SVIL: variants seen among roughly 807,000 people sequenced by gnomAD.
SVIL encodes archvillin.
SVIL carries 101 observed loss-of-function variants against 240.4 expected under a neutral mutation model. The ratio of observed to expected loss-of-function variants is 0.42; its 90% CI spans 0.36 to 0.50. The LOEUF is 0.50. Among genes scored for constraint, SVIL ranks in the 20% least tolerant of loss-of-function variants. The pLI, the probability that SVIL is intolerant of heterozygous loss-of-function variation, is 0.01. For missense variants in SVIL, 2,512 were observed against 2,818.7 expected (o/e 0.89, Z 2.46); for synonymous variants, 999 against 1,100.0 (o/e 0.91, Z 1.82).
intron 32 of SVIL, among the ~76,000 whole-genome samples, chr10:29,470,072 G>A (rs1945380168): frequency 6.6e-6 from 1 of 152,150 alleles, no homozygotes; most frequent in South Asian, 2.1e-4. Context: ...TCCTCAGAGC[G>A]GCCCCCAAGT....
At chr10:29,639,781 T>C (rs1246705979), upstream of SVIL, among the ~76,000 whole-genome samples, 1 of 152,170 alleles carries the variant, frequency 6.6e-6, no homozygotes, top group African/African-American at 2.4e-5. Flanking sequence ...TCTTTATTCT[T>C]GAAAATAAAT....
chr10:29,668,886 C>T (rs1022402370), intron 2 of SVIL, among the ~76,000 whole-genome samples: 1 of 152,190 alleles, frequency 6.6e-6, no homozygotes, highest in Non-Finnish European at 1.5e-5. Context: ...TCAGCCTACA[C>T]ACCCAGACCA....
At chr10:29,542,671 C>A (rs576981242) in intron 6 of SVIL, among the ~76,000 whole-genome samples, 1 of 152,268 alleles carries the variant, frequency 6.6e-6, no homozygotes, top group East Asian at 1.9e-4. Context: ...CTTTGTGTCA[C>A]AAACAATTGA....
At chr10:29,679,399 T>C (rs1960451565) in intron 2 of SVIL, among the ~76,000 whole-genome samples, 1 of 152,144 alleles carries the variant, frequency 6.6e-6, no homozygotes, top group Non-Finnish European at 1.5e-5. Flanking sequence ...TAGTGACAAC[T>C]CCTTTCCACA....
At chr10:29,531,974 T>A (rs1433739118) in intron 9 of SVIL, 28 bp downstream of exon 9, 1 of 1,611,238 alleles carries the variant, frequency 6.2e-7, no homozygotes, top group African/African-American at 1.3e-5. Flanking sequence ...CGTTCCTGGA[T>A]GAGGAAACTG....
chr10:29,565,997 G>C (rs6481616), intron 2 of SVIL, among the ~76,000 whole-genome samples: 83,053 of 152,006 alleles, frequency 0.55, 23,233 homozygotes, highest in African/African-American at 0.68. Context: ...TACAATTCAC[G>C]CTGAAGTATT....
chr10:29,543,206 A>T (rs1326128902), intron 6 of SVIL, among the ~76,000 whole-genome samples: 1 of 152,226 alleles, frequency 6.6e-6, no homozygotes, highest in African/African-American at 2.4e-5. Context: ...TCGGGCATAC[A>T]TGGGTTAAGA....
intron 17 of SVIL, 131 bp downstream of exon 17, chr10:29,512,604 G>C: frequency 6.7e-7 from 1 of 1,490,084 alleles, no homozygotes; most frequent in Non-Finnish European, 9.2e-7. Context: ...CAGACTCTCA[G>C]TGTGTACCCT....
chr10:29,562,969 A>T (rs2132695166), intron 3 of SVIL, among the ~76,000 whole-genome samples: 1 of 152,198 alleles, frequency 6.6e-6, no homozygotes, highest in Admixed American at 6.5e-5. Flanking sequence ...TCTGGCGAAA[A>T]CCTGAGGATG....
chr10:29,712,505 T>C (rs1963361739), intron 1 of SVIL, among the ~76,000 whole-genome samples: 2 of 152,204 alleles, frequency 1.3e-5, no homozygotes, highest in African/African-American at 2.4e-5. Context: ...TTTCAGTATA[T>C]GTGGAAGCAG....
At chr10:29,572,744 A>G (rs1347680243) in intron 1 of SVIL, among the ~76,000 whole-genome samples, 4 of 146,238 alleles carry the variant, frequency 2.7e-5, no homozygotes, top group Admixed American at 2.1e-4. Flanking sequence ...TGCCTAGGCA[A>G]CAGAGTGAGA....
At chr10:29,689,433 C>T (rs1474359181) in intron 1 of SVIL, among the ~76,000 whole-genome samples, 2 of 152,190 alleles carry the variant, frequency 1.3e-5, no homozygotes, top group Admixed American at 6.5e-5. Context: ...TACAGGCACA[C>T]ACCAACACAT....
chr10:29,523,910 G>T lies in SVIL; in HGVS notation c.2704C>A (p.His902Asn), dbSNP rs765560567. 1 of 1,614,156 alleles carries T rather than the reference G, an allele frequency of 6.2e-7. No homozygotes were observed. The highest frequency in any genetic ancestry group is 8.5e-7 in the Non-Finnish European group (1 of 1,180,030). The change falls in exon 15 of 38, where the codon CAC becomes AAC. Residue 902 changes from histidine (H) to asparagine (N), a missense_variant. Physicochemically the swap from His to Asn is moderately conservative, Grantham distance 68 (BLOSUM62 1). Coordinates refer to ENST00000355867, the MANE Select transcript of SVIL (RefSeq NM_021738.3). Reference sequence around the variant, plus strand: ...TTATAGTCAGTGGCACTTGCATTGTGGTCAAGAGGTGGCTTTGTGCGAAGA... The same window carrying T: ...TTATAGTCAGTGGCACTTGCATTGTTGTCAAGAGGTGGCTTTGTGCGAAGA... The part of the protein sequence containing the change: ...GDLRTKPPLD[H>N]NASATDYKFS...
chr10:29,646,502 A>T (rs1958662954), intron 3 of SVIL, among the ~76,000 whole-genome samples: 1 of 152,166 alleles, frequency 6.6e-6, no homozygotes, highest in East Asian at 1.9e-4. Flanking sequence ...TGAAGGCAGG[A>T]TTATTTTTCA....
At chr10:29,710,313 T>C (rs1369322426) in intron 1 of SVIL, among the ~76,000 whole-genome samples, 4 of 152,194 alleles carry the variant, frequency 2.6e-5, no homozygotes, top group Non-Finnish European at 5.9e-5. Context: ...CTTGGCCTCC[T>C]CCCAAAGTGT....
At chr10:29,730,450 C>T (rs899186344) in intron 1 of SVIL, among the ~76,000 whole-genome samples, 10 of 152,142 alleles carry the variant, frequency 6.6e-5, no homozygotes, top group African/African-American at 1.9e-4. Context: ...GGTTCTCAAC[C>T]GTGGAGCCTC....
chr10:29,596,021 G>T (rs963830807), intron 1 of SVIL, among the ~76,000 whole-genome samples: 1 of 152,202 alleles, frequency 6.6e-6, no homozygotes, highest in Non-Finnish European at 1.5e-5. Flanking sequence ...TTACAGTCAT[G>T]CATGATGAGG....
chr10:29,664,248 C>CA (rs1218953871), intron 2 of SVIL, among the ~76,000 whole-genome samples: 5 of 152,126 alleles, frequency 3.3e-5, no homozygotes, highest in African/African-American at 1.2e-4. Flanking sequence ...TACACTTTTT[C>CA]AAAATGTATA....
chr10:29,680,705 G>A (rs1222416104), intron 2 of SVIL, among the ~76,000 whole-genome samples: 1 of 152,176 alleles, frequency 6.6e-6, no homozygotes, highest in Non-Finnish European at 1.5e-5. Flanking sequence ...GATCACTTGA[G>A]GTCAGGAGTT....
Sources: allele counts gnomAD v4.1 joint callset (sites outside exome capture counted in the v4.1 genomes callset), GRCh38; gene constraint gnomAD v4.1.1; transcripts MANE v1.5; gene names NCBI Gene and HGNC (gene_info 2026-07-23, HGNC 2026-07-21).